Variants in COL4A1 observed in about 807,000 individuals in gnomAD.
COL4A1 encodes the protein collagen alpha-1(IV) chain.
COL4A1 carries 40 observed loss-of-function variants against 216.6 expected under a neutral mutation model. That is an observed-to-expected ratio of 0.18 (90% confidence interval 0.14 to 0.24). The LOEUF (loss-of-function observed/expected upper bound fraction) is 0.24. Among genes scored for constraint, COL4A1 ranks in the 10% least tolerant of loss-of-function variants. The pLI, the probability that COL4A1 is intolerant of heterozygous loss-of-function variation, is 1.00. For synonymous variants in COL4A1, 839 were observed against 810.7 expected (o/e 1.03, Z -0.59); for missense variants, 1,628 against 2,196.8 (o/e 0.74, Z 5.18).
At chr13:110,166,007 C>G (rs1035923676) in intron 45 of COL4A1, among the ~76,000 whole-genome samples, 1 of 152,160 alleles carries the variant, frequency 6.6e-6, no homozygotes, top group Admixed American at 6.5e-5. Context: ...CCCTGGAGTT[C>G]CCTCAGTCCT....
At chr13:110,171,320 A>C (rs1877631904) in intron 41 of COL4A1, among the ~76,000 whole-genome samples, 1 of 152,160 alleles carries the variant, frequency 6.6e-6, no homozygotes, top group Non-Finnish European at 1.5e-5. Flanking sequence ...GGGAGAGGGC[A>C]GGAGGGGGGG....
chr13:110,202,790 C>CA (rs1879308343), intron 18 of COL4A1, among the ~76,000 whole-genome samples: 1 of 152,160 alleles, frequency 6.6e-6, no homozygotes, highest in South Asian at 2.1e-4. Flanking sequence ...GACAAGTATG[C>CA]AAAATATGTA....
intron 6 of COL4A1, 64 bp downstream of exon 6, chr13:110,212,353 A>G: frequency 6.3e-7 from 1 of 1,577,038 alleles, no homozygotes; most frequent in Non-Finnish European, 8.7e-7. Flanking sequence ...ACACTACCTG[A>G]CTCCTTAATA....
intron 2 of COL4A1, among the ~76,000 whole-genome samples, chr13:110,216,165 G>C (rs1365362287): frequency 6.6e-6 from 1 of 152,232 alleles, no homozygotes; most frequent in East Asian, 1.9e-4. Context: ...CTGATCCCAA[G>C]GTTTGACAGG....
At chr13:110,204,551 T>A (rs1408137149) in intron 17 of COL4A1, among the ~76,000 whole-genome samples, 5 of 151,900 alleles carry the variant, frequency 3.3e-5, no homozygotes, top group Admixed American at 3.3e-4. Flanking sequence ...CTTATATTAG[T>A]AAAGACTTAC....
At chr13:110,210,092 G>A (rs1385515786) in intron 9 of COL4A1, 37 bp downstream of exon 9, 1 of 1,613,658 alleles carries the variant, frequency 6.2e-7, no homozygotes, top group Non-Finnish European at 8.5e-7. Flanking sequence ...GGGAGGGTGA[G>A]GTGGCACATG....
chr13:110,282,659 G>T (rs1289801664), intron 1 of COL4A1, among the ~76,000 whole-genome samples: 1 of 152,098 alleles, frequency 6.6e-6, no homozygotes, highest in African/African-American at 2.4e-5. Context: ...TCCTACCCTG[G>T]GACATGGCTT....
intron 44 of COL4A1, among the ~76,000 whole-genome samples, chr13:110,166,793 T>C (rs941204979): frequency 2.0e-5 from 3 of 152,330 alleles, no homozygotes; most frequent in African/African-American, 7.2e-5. Context: ...ACCTGTTTTA[T>C]TCACCTTTCA....
intron 2 of COL4A1, among the ~76,000 whole-genome samples, chr13:110,240,049 T>C (rs1363406839): frequency 6.6e-6 from 1 of 152,200 alleles, no homozygotes; most frequent in Non-Finnish European, 1.5e-5. Context: ...CCATTTTTGT[T>C]AAAATGATAT....
At chr13:110,280,355 A>C (rs1455406971) in intron 1 of COL4A1, among the ~76,000 whole-genome samples, 1 of 152,234 alleles carries the variant, frequency 6.6e-6, no homozygotes, top group Non-Finnish European at 1.5e-5. Flanking sequence ...GTTTCAGATA[A>C]AGGTCAAAAG....
intron 2 of COL4A1, among the ~76,000 whole-genome samples, chr13:110,228,247 G>GGGC (rs1880842102): frequency 1.4e-5 from 2 of 140,728 alleles, no homozygotes; most frequent in South Asian, 2.5e-4. Context: ...CGGGGGGGGG[G>GGGC]TCTACATCAG....
At chr13:110,250,168 T>C (rs1882008248) in intron 1 of COL4A1, among the ~76,000 whole-genome samples, 1 of 144,442 alleles carries the variant, frequency 6.9e-6, no homozygotes, top group African/African-American at 2.6e-5. Context: ...ATTTCTGCCC[T>C]AATTTGAAAA....
intron 2 of COL4A1, among the ~76,000 whole-genome samples, chr13:110,230,797 A>G (rs1245282914): frequency 6.6e-6 from 1 of 152,250 alleles, no homozygotes; most frequent in Non-Finnish European, 1.5e-5. Flanking sequence ...TCTCCTGTGA[A>G]GAAATGCAGG....
At chr13:110,276,151 C>A (rs4494405) in intron 1 of COL4A1, among the ~76,000 whole-genome samples, 4,925 of 152,074 alleles carry the variant, frequency 0.032, 222 homozygotes, top group East Asian at 0.22. Context: ...AGAGGCCATG[C>A]GTGTGCCCGA....
At chr13:110,222,888 C>T (rs1297364913) in intron 2 of COL4A1, among the ~76,000 whole-genome samples, 7 of 150,050 alleles carry the variant, frequency 4.7e-5, no homozygotes, top group African/African-American at 4.9e-5. Flanking sequence ...ATTCTGTGGG[C>T]GGAGTGAGAG....
In COL4A1 at chr13:110,192,315, A is replaced by G. The variant is rs1431508173; in HGVS notation, c.1466-31T>C. The G allele has an allele frequency of 3.7e-6, 6 of 1,601,658 alleles. No individual in the cohort carries two copies. The Admixed American group carries it at 5.0e-5, about 13-fold the overall frequency. On this transcript the variant is annotated intron_variant, in intron 23 of 51. Transcript: ENST00000375820. The stretch of plus-strand genomic sequence containing the variant: ...GTGAGAGAGAGGGAAAAAGACAGCA[A>G]CACAGCATTCATGAGACACTTCTCA...
intron 1 of COL4A1, among the ~76,000 whole-genome samples, chr13:110,271,249 G>A (rs1402827800): frequency 6.6e-6 from 1 of 152,202 alleles, no homozygotes; most frequent in Non-Finnish European, 1.5e-5. Context: ...AGCTGTTTCA[G>A]GCAAGAATCC....
chr13:110,230,886 A>G (rs1464841177), intron 2 of COL4A1, among the ~76,000 whole-genome samples: 1 of 152,208 alleles, frequency 6.6e-6, no homozygotes, highest in Admixed American at 6.5e-5. Flanking sequence ...TGTGTGGTCC[A>G]GGCAGGACAG....
rs754583013 is a variant in COL4A1, at chr13:110,186,368, AG to A, written c.1897+16del. The A allele has an allele frequency of 6.2e-6, 10 of 1,612,436 alleles. No individual in the cohort carries two copies. Among genetic ancestry groups the A allele is most frequent in the Non-Finnish European group, 8.5e-6 (10 of 1,180,006 alleles). Reference sequence around the variant, plus strand: ...GTTTACAACTTCATGCTGCATCACGAGTTTCTCAGGCCTCACCTGGCAGGCC... The same window carrying A: ...GTTTACAACTTCATGCTGCATCACGATTTCTCAGGCCTCACCTGGCAGGCC... On this transcript the variant is annotated intron_variant, in intron 26 of 51. Transcript: ENST00000375820.
Sources: gnomAD v4.1 joint callset for allele counts (sites outside exome capture counted in the v4.1 genomes callset) on GRCh38, gnomAD v4.1.1 for gene constraint, MANE v1.5 for transcripts, NCBI Gene and HGNC (gene_info 2026-07-23, HGNC 2026-07-21) for gene names.